The following SMCHD1 variants were observed in gnomAD, a reference collection of about 807,000 sequenced individuals.
The protein encoded by SMCHD1 is structural maintenance of chromosomes flexible hinge domain containing 1.
SMCHD1 carries 78 observed loss-of-function variants against 254.7 expected under a neutral mutation model. The ratio of observed to expected loss-of-function variants is 0.31; its 90% confidence interval spans 0.26 to 0.37. The LOEUF (loss-of-function observed/expected upper bound fraction) is 0.37, where lower values mean the gene tolerates loss of function less well. Among genes scored for constraint, SMCHD1 ranks in the 10% least tolerant of loss-of-function variants. SMCHD1 has a pLI of 1.00. For synonymous variants in SMCHD1, 766 were observed against 794.9 expected (o/e 0.96, Z 0.61); for missense variants, 1,840 against 2,408.1 (o/e 0.76, Z 4.94).
rs1324426042 is a variant in SMCHD1 at position 2,763,633 on chromosome 18, T to C, written c.4567-4T>C. ...TCTAATTGTTTTCCATTTTTTGTTT[T>C]AAGGATGACTACGACAACCATACTG... On this transcript the variant is annotated splice_region_variant and splice_polypyrimidine_tract_variant and intron_variant, in intron 36 of 47. Transcript: ENST00000320876. 6 of 1,555,250 alleles carry C rather than the reference T, an allele frequency of 3.9e-6. No individual in the cohort carries two copies. In the Admixed American group the frequency reaches 9.2e-5, roughly 24 times the overall value.
chr18:2,658,941 TATATAC>T (rs2073162618), intron 1 of SMCHD1, among the ~76,000 whole-genome samples: 2 of 144,240 alleles, frequency 1.4e-5, no homozygotes, highest in Non-Finnish European at 3.1e-5. Flanking sequence ...TATACACATA[TATATAC>T]ACACACATAT....
chr18:2,781,041 C>G lies in SMCHD1; in HGVS notation c.5547+2802C>G, dbSNP rs545548881. 1.1e-4 allele frequency among the ~76,000 whole-genome samples: 16 copies of G among 152,282 alleles called. No individual in the cohort carries two copies. The South Asian group carries it at 3.3e-3, about 32-fold the overall frequency. On this transcript the variant is annotated intron_variant, in intron 44 of 47. Transcript: ENST00000320876. ...AGATTTTTGCAGTGAGAACGTTTGCCAAACTAATTGAACTTAAGCATTGAT... is the reference window on the plus strand; with the variant it reads ...AGATTTTTGCAGTGAGAACGTTTGCGAAACTAATTGAACTTAAGCATTGAT...
chr18:2,693,056 G>A (rs559660928), intron 7 of SMCHD1, among the ~76,000 whole-genome samples: 18 of 152,118 alleles, frequency 1.2e-4, no homozygotes, highest in African/African-American at 4.3e-4. Context: ...GTTTTGAAGG[G>A]GTATGGTCTT....
At chr18:2,727,099 G>C (rs9807126) in intron 22 of SMCHD1, 45,407 of 152,142 alleles carry the variant, frequency 0.3, 6,998 homozygotes, top group East Asian at 0.5. Flanking sequence ...GGGTTGTTAG[G>C]AGGATTAAAT....
chr18:2,726,867 T>C (rs980362789), intron 22 of SMCHD1: 1 of 155,394 alleles, frequency 6.4e-6, no homozygotes, highest in African/African-American at 2.4e-5. Context: ...GAAAAACTTC[T>C]AATGTTATTT....
At chr18:2,714,077 C>G (rs1000769315) in intron 17 of SMCHD1, among the ~76,000 whole-genome samples, 1 of 152,200 alleles carries the variant, frequency 6.6e-6, no homozygotes, top group African/African-American at 2.4e-5. Context: ...CATGATCCAT[C>G]TAGTGCTATC....
At chr18:2,695,625 A>G (rs948232538) in intron 8 of SMCHD1, among the ~76,000 whole-genome samples, 7 of 151,922 alleles carry the variant, frequency 4.6e-5, no homozygotes, top group Non-Finnish European at 8.8e-5. Flanking sequence ...TTTTTTTTTT[A>G]TAGCTATGTG....
At chr18:2,749,975 T>C in intron 30 of SMCHD1, 68 bp from the exon 31 acceptor site, 1 of 1,334,248 alleles carries the variant, frequency 7.5e-7, no homozygotes, top group Non-Finnish European at 1.0e-6. Context: ...AACATTGTAA[T>C]GGAAGAAAAG....
chr18:2,746,096 A>C (rs1332883251), intron 29 of SMCHD1, among the ~76,000 whole-genome samples: 1 of 152,168 alleles, frequency 6.6e-6, no homozygotes, highest in African/African-American at 2.4e-5. Context: ...ACCAAGGTGG[A>C]GGAATTGCTT....
chr18:2,763,715 A>C lies in SMCHD1; in HGVS notation c.4645A>C (p.Thr1549Pro). The C allele has an allele frequency of 5.0e-6, 8 of 1,610,280 alleles. No individual in the cohort carries two copies. Among genetic ancestry groups the C allele is most frequent in the African/African-American group, 1.3e-5 (1 of 74,714 alleles). ...CATTAAAGGCTCTAATGAGGAAGAT[A>C]CTGATACCCCACTTTTTATTGGGAA... is the stretch of plus-strand genomic sequence containing the variant. The part of the protein sequence containing the change: ...ATIKGSNEED[T>P]DTPLFIGKVR... The change falls in exon 37 of 48, where the codon ACT becomes CCT. Residue 1549 changes from threonine (T) to proline (P), a missense_variant. Physicochemically the swap from Thr to Pro is conservative, Grantham distance 38. Coordinates refer to ENST00000320876, the MANE Select transcript of SMCHD1 (RefSeq NM_015295.3).
intron 40 of SMCHD1, 62 bp downstream of exon 40, chr18:2,771,680 T>A: frequency 7.7e-7 from 1 of 1,294,592 alleles, no homozygotes. Context: ...ATTTTCTCAA[T>A]TATTCAGTTT....
Position 2,700,815 on chromosome 18 carries a change from C to T in SMCHD1, c.1544C>T (p.Thr515Ile). The change falls in exon 12 of 48, where the codon ACT becomes ATT. Residue 515 changes from threonine (T) to isoleucine (I), a missense_variant. By Grantham distance (89) the Thr-to-Ile change is moderately conservative. Coordinates refer to ENST00000320876, the MANE Select transcript of SMCHD1 (RefSeq NM_015295.3). The stretch of plus-strand genomic sequence containing the variant: ...AATAGGATATCTGGTGCATTATTCA[C>T]TAATGACAAATTCCAGGTCAGCACA... ...CYNRISGALF[T>I]NDKFQVSTNK... 1 of 1,613,462 alleles carries T rather than the reference C, an allele frequency of 6.2e-7. No individual in the cohort carries two copies. The highest frequency in any genetic ancestry group is 8.5e-7 in the Non-Finnish European group (1 of 1,179,596).
At position 2,707,927 on chromosome 18, in the gene SMCHD1, A is replaced by T; in HGVS notation, c.2260+7A>T. 6.8e-7 allele frequency: 1 copy of T among 1,467,726 alleles called. No individual in the cohort carries two copies. Among genetic ancestry groups the T allele is most frequent in the Non-Finnish European group, 9.3e-7 (1 of 1,075,838 alleles). The allele number at this position is 1,467,726 out of a possible 1,614,324, so 90.9% of individuals were successfully genotyped here. A position where few individuals can be genotyped will look rare whatever the true frequency, so the allele number is the denominator to read the frequency against. ...CTCAAAGTTATTTTACATTGTAAGT[A>T]TACAAACTAATTTAGATCTTTAATA... On this transcript the variant is annotated splice_region_variant and intron_variant, in intron 17 of 47. Coordinates refer to ENST00000320876, the MANE Select transcript of SMCHD1 (RefSeq NM_015295.3).
chr18:2,691,409 C>T (rs1039657681), intron 7 of SMCHD1, among the ~76,000 whole-genome samples: 2 of 152,140 alleles, frequency 1.3e-5, no homozygotes, highest in Non-Finnish European at 2.9e-5. Flanking sequence ...TCTTTTCCAG[C>T]CTATTTTTGT....
At chr18:2,796,137 T>G in intron 46 of SMCHD1, 30 bp downstream of exon 46, 1 of 1,451,776 alleles carries the variant, frequency 6.9e-7, no homozygotes, top group East Asian at 2.5e-5. Flanking sequence ...TAACTTCTAC[T>G]TTCTTTATAT....
chr18:2,668,392 T>A (rs764921369), intron 3 of SMCHD1, among the ~76,000 whole-genome samples: 1 of 152,182 alleles, frequency 6.6e-6, no homozygotes, highest in Non-Finnish European at 1.5e-5. Context: ...TAGCTAATGT[T>A]AGGAAATAAT....
At chr18:2,684,838 T>C (rs1189333762) in intron 5 of SMCHD1, among the ~76,000 whole-genome samples, 1 of 152,028 alleles carries the variant, frequency 6.6e-6, no homozygotes, top group Non-Finnish European at 1.5e-5. Flanking sequence ...CTGTATTAAG[T>C]AATACTAAAC....
intron 17 of SMCHD1, among the ~76,000 whole-genome samples, chr18:2,714,877 C>T (rs973423465): frequency 3.3e-5 from 5 of 152,018 alleles, no homozygotes; most frequent in Admixed American, 1.3e-4. Flanking sequence ...ACTTTGAAAA[C>T]AGAATCCTAC....
At chr18:2,771,830 A>G (rs549564248) in intron 40 of SMCHD1, among the ~76,000 whole-genome samples, 2 of 152,350 alleles carry the variant, frequency 1.3e-5, no homozygotes, top group South Asian at 4.1e-4. Context: ...AATGACACCA[A>G]TAAATGCAAT....
Sources: gnomAD v4.1 joint callset for allele counts (sites outside exome capture counted in the v4.1 genomes callset) on GRCh38, gnomAD v4.1.1 for gene constraint, MANE v1.5 for transcripts, NCBI Gene and HGNC (gene_info 2026-07-23, HGNC 2026-07-21) for gene names.